Variants in GRB2 observed in about 807,000 individuals in gnomAD.
The protein encoded by GRB2 is growth factor receptor bound protein 2.
A neutral mutation model predicts 27.4 loss-of-function variants in GRB2; 2 were observed. The observed-to-expected ratio is 0.07, with a 90% CI of 0.03 to 0.23. The LOEUF (loss-of-function observed/expected upper bound fraction) is 0.23. Ranked by LOEUF, GRB2 falls within the 10% of genes least tolerant of loss-of-function variation. The probability of loss-of-function intolerance (pLI) is 1.00; values close to 1 mark genes in which losing one functional copy is unlikely to be tolerated. For synonymous variants in GRB2, 94 were observed against 99.6 expected, an observed-to-expected ratio of 0.94 and a Z score of 0.33; for missense variants, 102 against 282.4, an observed-to-expected ratio of 0.36 and a Z score of 4.58.
chr17:75,371,654 T>G (rs944141915), intron 2 of GRB2: 4 of 151,834 alleles, frequency 2.6e-5, no homozygotes, highest in African/African-American at 9.7e-5. Context: ...TTCTGGAGAT[T>G]GGGTCTGTTC....
intron 2 of GRB2, among the ~76,000 whole-genome samples, chr17:75,341,102 A>G (rs1456737327): frequency 6.6e-6 from 1 of 152,106 alleles, no homozygotes. Flanking sequence ...TAACAACCAG[A>G]AAGTTGAGAA....
intron 2 of GRB2, among the ~76,000 whole-genome samples, chr17:75,389,125 G>A (rs187631212): frequency 2.8e-4 from 42 of 152,110 alleles, no homozygotes; most frequent in Non-Finnish European, 4.9e-4. Flanking sequence ...AAAACCTTCC[G>A]AGGCTTCTTA....
chr17:75,403,853 C>T (rs186601610), intron 1 of GRB2, among the ~76,000 whole-genome samples: 129 of 152,332 alleles, frequency 8.5e-4, no homozygotes, highest in African/African-American at 3.0e-3. Flanking sequence ...GTGGCTCACG[C>T]CTGTAATCCC....
intron 5 of GRB2, among the ~76,000 whole-genome samples, chr17:75,321,301 C>A (rs924398051): frequency 6.6e-6 from 1 of 150,420 alleles, no homozygotes; most frequent in African/African-American, 2.5e-5. Context: ...CTCAGCTTCC[C>A]GAGTAGCTGG....
At chr17:75,341,257 C>A (rs2078618796) in intron 2 of GRB2, among the ~76,000 whole-genome samples, 2 of 151,620 alleles carry the variant, frequency 1.3e-5, no homozygotes, top group Non-Finnish European at 2.9e-5. Context: ...CATGGTGAAA[C>A]CCTGTCTCTA....
chr17:75,386,035 T>G (rs56259813), intron 2 of GRB2, among the ~76,000 whole-genome samples: 1 of 152,064 alleles, frequency 6.6e-6, no homozygotes, highest in Admixed American at 6.6e-5. Flanking sequence ...CAGAAAAAAA[T>G]TTTTCTAGGT....
At chr17:75,389,459 C>A (rs1433272180) in intron 2 of GRB2, among the ~76,000 whole-genome samples, 1 of 152,158 alleles carries the variant, frequency 6.6e-6, no homozygotes, top group Admixed American at 6.5e-5. Context: ...AAATCACTAC[C>A]AAGAATGATA....
At chr17:75,369,082 A>C (rs1332897273) in intron 2 of GRB2, among the ~76,000 whole-genome samples, 1 of 152,224 alleles carries the variant, frequency 6.6e-6, no homozygotes, top group South Asian at 2.1e-4. Flanking sequence ...CAAATGGCAC[A>C]GCCAAAGTTT....
intron 2 of GRB2, among the ~76,000 whole-genome samples, chr17:75,345,941 G>A (rs1384285426): frequency 6.6e-6 from 1 of 152,124 alleles, no homozygotes; most frequent in African/African-American, 2.4e-5. Context: ...TGCAAATTAA[G>A]AAGCTCAAGC....
At chr17:75,404,500 G>C (rs985070880) in intron 1 of GRB2, among the ~76,000 whole-genome samples, 21 of 146,804 alleles carry the variant, frequency 1.4e-4, no homozygotes, top group African/African-American at 5.3e-4. Context: ...AATTACGCCA[G>C]AGTGGGGACT....
intron 1 of GRB2, among the ~76,000 whole-genome samples, chr17:75,397,896 C>T (rs926129668): frequency 1.3e-5 from 2 of 151,898 alleles, no homozygotes; most frequent in Non-Finnish European, 2.9e-5. Flanking sequence ...GGCTGGACTG[C>T]AGTGTCACGA....
chr17:75,343,231 T>C (rs1454038739), intron 2 of GRB2, among the ~76,000 whole-genome samples: 3 of 151,988 alleles, frequency 2.0e-5, no homozygotes, highest in Non-Finnish European at 4.4e-5. Flanking sequence ...TGATGTCTAA[T>C]TCTGATTCGG....
rs983362140 is a variant in GRB2 at position 75,382,964 on chromosome 17, C to G, written c.78+10587G>C. Among the ~76,000 whole-genome samples the G allele has an allele frequency of 3.3e-5, 5 of 152,172 alleles. No homozygotes were observed. In the East Asian group the frequency reaches 5.8e-4, roughly 18 times the overall value. Reference sequence around the variant, plus strand: ...GACCTCGTGATCCGCCTGCCTCGGCCTCCCAAAGTGCTGGGATTACAGGCG... The same window carrying G: ...GACCTCGTGATCCGCCTGCCTCGGCGTCCCAAAGTGCTGGGATTACAGGCG... On this transcript the variant is annotated intron_variant, in intron 2 of 5. Coordinates refer to ENST00000316804, the MANE Select transcript of GRB2 (RefSeq NM_002086.5).
At chr17:75,340,639 C>A (rs528146433) in intron 2 of GRB2, among the ~76,000 whole-genome samples, 1 of 152,130 alleles carries the variant, frequency 6.6e-6, no homozygotes, top group Non-Finnish European at 1.5e-5. Flanking sequence ...TGCCTGATTA[C>A]GTATTTTATT....
chr17:75,393,422 A>G lies in GRB2; in HGVS notation c.78+129T>C, dbSNP rs1484434316. On this transcript the variant is annotated intron_variant, in intron 2 of 5. Coordinates refer to ENST00000316804, the MANE Select transcript of GRB2 (RefSeq NM_002086.5). ...TACTCAGCATCTAAAGCTCTCCAGA[A>G]CAAATATGATGGTAAATGTTAAAAG... 3.8e-6 allele frequency: 3 copies of G among 779,550 alleles called. No individual in the cohort carries two copies. In the Admixed American group the frequency reaches 5.9e-5, roughly 15 times the overall value. The allele number at this position is 779,550 out of a possible 1,614,324, so 48.3% of individuals were successfully genotyped here. A position where few individuals can be genotyped will look rare whatever the true frequency, so the allele number is the denominator to read the frequency against.
chr17:75,396,221 C>T (rs2079028383), intron 1 of GRB2, among the ~76,000 whole-genome samples: 1 of 151,926 alleles, frequency 6.6e-6, no homozygotes, highest in Admixed American at 6.6e-5. Flanking sequence ...GCCTAGTTCC[C>T]TGTGTATCTA....
chr17:75,373,473 G>A (rs1359309127), intron 2 of GRB2: 31 of 152,114 alleles, frequency 2.0e-4, no homozygotes, highest in Admixed American at 2.0e-3. Context: ...AGTGTTCTAG[G>A]ACAACTCCAA....
chr17:75,327,842 C>CA, intron 3 of GRB2, among the ~76,000 whole-genome samples: 1 of 152,240 alleles, frequency 6.6e-6, no homozygotes, highest in Non-Finnish European at 1.5e-5. Flanking sequence ...CTTAGTAACT[C>CA]TGAATAGTCT....
Position 75,320,289 on chromosome 17 carries a change from T to A in GRB2, c.*79A>T, listed in dbSNP as rs1299790894. The stretch of plus-strand genomic sequence containing the variant: ...TTCTGCACTCCCTCACAGGCTGCTG[T>A]CAGAGGCAGCTTGTGGGTTTAATTC... On this transcript the variant is annotated 3_prime_UTR_variant, in exon 6 of 6. Coordinates refer to ENST00000316804, the MANE Select transcript of GRB2 (RefSeq NM_002086.5). The surrounding 1 kb of genome is among the most constrained non-coding windows in gnomAD (Gnocchi z 4.3). The A allele has an allele frequency of 2.2e-5, 27 of 1,255,308 alleles. No individual in the cohort carries two copies. The highest frequency in any genetic ancestry group is 3.1e-5 in the Non-Finnish European group (27 of 862,718). 77.8% of individuals were successfully genotyped at this position (1,255,308 alleles called of 1,614,324 possible).
Sources: allele counts gnomAD v4.1 joint callset (sites outside exome capture counted in the v4.1 genomes callset), GRCh38; gene constraint gnomAD v4.1.1; non-coding constraint Gnocchi (gnomAD v3.1); transcripts MANE v1.5; gene names NCBI Gene and HGNC (gene_info 2026-07-23, HGNC 2026-07-21).